HECW1: variants seen among roughly 807,000 people sequenced by gnomAD.
The protein encoded by HECW1 is E3 ubiquitin-protein ligase HECW1.
HECW1 carries 61 observed loss-of-function variants against 182.3 expected under a neutral mutation model. The ratio of observed to expected loss-of-function variants is 0.33; its 90% CI spans 0.27 to 0.41. The LOEUF (loss-of-function observed/expected upper bound fraction) is 0.41. HECW1 is among the 10% of genes least tolerant of loss of function. The probability of loss-of-function intolerance (pLI) is 1.00; values close to 1 mark genes in which losing one functional copy is unlikely to be tolerated. For synonymous variants in HECW1, 859 were observed against 832.6 expected, an observed-to-expected ratio of 1.03 and a Z score of -0.55; for missense variants, 1,739 against 2,108.9, an observed-to-expected ratio of 0.82 and a Z score of 3.44.
intron 6 of HECW1, among the ~76,000 whole-genome samples, chr7:43,367,901 C>A (rs1816843613): frequency 6.6e-6 from 1 of 152,176 alleles, no homozygotes; most frequent in Admixed American, 6.5e-5. Flanking sequence ...ATGCTCAAAG[C>A]CTCTTGCCTC....
chr7:43,428,894 A>G (rs1170520116), intron 8 of HECW1, among the ~76,000 whole-genome samples: 2 of 152,142 alleles, frequency 1.3e-5, no homozygotes, highest in African/African-American at 2.4e-5. Flanking sequence ...TGGGAGATAT[A>G]CATATGGATA....
intron 12 of HECW1, among the ~76,000 whole-genome samples, chr7:43,453,632 G>A (rs981563990): frequency 3.3e-5 from 5 of 152,196 alleles, no homozygotes; most frequent in African/African-American, 1.2e-4. Flanking sequence ...ATAGGTTTTT[G>A]TTAATATAAT....
At chr7:43,538,048 G>A (rs1043941695) in intron 24 of HECW1, among the ~76,000 whole-genome samples, 1 of 152,192 alleles carries the variant, frequency 6.6e-6, no homozygotes, top group African/African-American at 2.4e-5. Flanking sequence ...CAAAGTACTC[G>A]AGACTCAGAT....
chr7:43,184,713 G>T (rs1193729317), intron 2 of HECW1, among the ~76,000 whole-genome samples: 3 of 152,160 alleles, frequency 2.0e-5, no homozygotes, highest in African/African-American at 7.2e-5. Context: ...TTCTCACATT[G>T]CTGTAAAGAA....
chr7:43,275,759 C>T (rs1469269828), intron 3 of HECW1, among the ~76,000 whole-genome samples: 3 of 149,574 alleles, frequency 2.0e-5, no homozygotes, highest in African/African-American at 7.4e-5. Flanking sequence ...CCACTCACTC[C>T]CTGCAACAAT....
At chr7:43,344,515 CT>C (rs1231727764) in intron 5 of HECW1, among the ~76,000 whole-genome samples, 117 of 145,276 alleles carry the variant, frequency 8.1e-4, no homozygotes, top group African/African-American at 9.3e-4. Context: ...TTGTTTTTGT[CT>C]TTTTTTTTTT....
At chr7:43,408,422 C>G (rs1013225300) in intron 8 of HECW1, among the ~76,000 whole-genome samples, 1 of 152,074 alleles carries the variant, frequency 6.6e-6, no homozygotes, top group East Asian at 1.9e-4. Context: ...ACTTATTTGG[C>G]CAGGCAAGGT....
At chr7:43,557,148 G>T (rs900766752) in intron 29 of HECW1, among the ~76,000 whole-genome samples, 1 of 152,192 alleles carries the variant, frequency 6.6e-6, no homozygotes, top group Non-Finnish European at 1.5e-5. Flanking sequence ...AGAAACTGTC[G>T]TTCGGGAAGA....
intron 3 of HECW1, among the ~76,000 whole-genome samples, chr7:43,251,210 C>T (rs986649274): frequency 6.6e-6 from 1 of 152,214 alleles, no homozygotes; most frequent in Non-Finnish European, 1.5e-5. Flanking sequence ...AGCTGTCTGT[C>T]GAAGAATGAG....
intron 17 of HECW1, among the ~76,000 whole-genome samples, chr7:43,490,120 G>A (rs1198217245): frequency 3.3e-5 from 5 of 152,148 alleles, no homozygotes; most frequent in African/African-American, 1.2e-4. Context: ...ACCTCACTTG[G>A]GACATGAATT....
At chr7:43,291,266 G>T (rs998323705) in intron 3 of HECW1, among the ~76,000 whole-genome samples, 30 of 152,322 alleles carry the variant, frequency 2.0e-4, no homozygotes, top group Admixed American at 1.7e-3. Context: ...TATCCTTTAC[G>T]CATTTGGATC....
chr7:43,264,755 A>G (rs1346112033), intron 3 of HECW1, among the ~76,000 whole-genome samples: 1 of 151,558 alleles, frequency 6.6e-6, no homozygotes, highest in Non-Finnish European at 1.5e-5. Flanking sequence ...GAGGCAGGAG[A>G]ATGGCGTGAA....
rs1554475197 is a variant in HECW1, at chr7:43,565,582, T to TTTATTTTTA, written c.*3661_*3662insTTTATTATT. 2.5e-5 allele frequency: 4 copies of TTTATTTTTA among 161,090 alleles called. No individual in the cohort carries two copies. Among genetic ancestry groups the TTTATTTTTA allele is most frequent in the African/African-American group, 9.9e-5 (4 of 40,302 alleles). The allele number at this position is 161,090 out of a possible 1,614,324, so 10.0% of individuals were successfully genotyped here. ...CTTTATTATTATTATTATTATTATT[T>TTTATTTTTA]TTATTATTATTATTATTACGTACTT... On this transcript the variant is annotated 3_prime_UTR_variant, in exon 30 of 30. Coordinates refer to ENST00000395891, the MANE Select transcript of HECW1 (RefSeq NM_015052.5).
At chr7:43,137,295 T>A (rs1045239673) in intron 2 of HECW1, among the ~76,000 whole-genome samples, 1 of 152,154 alleles carries the variant, frequency 6.6e-6, no homozygotes, top group African/African-American at 2.4e-5. Flanking sequence ...TACCCTTAGC[T>A]GAGGAGCTGC....
chr7:43,207,888 C>A (rs1409245926), intron 2 of HECW1: 1 of 152,226 alleles, frequency 6.6e-6, no homozygotes, highest in Non-Finnish European at 1.5e-5. Context: ...TTGAGATAAT[C>A]TTTCTTCTCT....
chr7:43,412,278 A>G (rs2075826410), intron 8 of HECW1, among the ~76,000 whole-genome samples: 1 of 152,086 alleles, frequency 6.6e-6, no homozygotes. Flanking sequence ...GTTATTATAT[A>G]TATCACATTG....
At chr7:43,408,463 G>A (rs561862815) in intron 8 of HECW1, among the ~76,000 whole-genome samples, 10 of 151,274 alleles carry the variant, frequency 6.6e-5, no homozygotes, top group Admixed American at 2.0e-4. Context: ...CAGGTGAATC[G>A]CTTGACTCCA....
At chr7:43,164,413 T>A (rs756845915) in intron 2 of HECW1, among the ~76,000 whole-genome samples, 5 of 152,346 alleles carry the variant, frequency 3.3e-5, no homozygotes, top group South Asian at 4.1e-4. Flanking sequence ...CAGTGGGGCC[T>A]CCTGGGGGAA....
In HECW1 at chr7:43,444,583, C is replaced by G; in HGVS notation, c.1411C>G (p.Leu471Val). The G allele has an allele frequency of 6.2e-7, 1 of 1,611,040 alleles. No individual in the cohort carries two copies. Among genetic ancestry groups the G allele is most frequent in the Non-Finnish European group, 8.5e-7 (1 of 1,178,866 alleles). The part of the protein sequence containing the change: ...QLDLGEEASA[L>V]LLEDGEAPAS... ...GGACCTGGGTGAGGAGGCATCAGCA[C>G]TGCTGCTGGAAGACGGTGAAGCCCC... Residue 471 changes from leucine to valine, a missense_variant, in exon 11 of 30, where the codon CTG becomes GTG. Transcript: ENST00000395891. This position sits in a 1 kb window ranked among gnomAD's most constrained non-coding sequence, Gnocchi z 4.3.
Sources: gnomAD v4.1 joint callset for allele counts (sites outside exome capture counted in the v4.1 genomes callset) on GRCh38, gnomAD v4.1.1 for gene constraint, Gnocchi (gnomAD v3.1) non-coding constraint, MANE v1.5 for transcripts, NCBI Gene and HGNC (gene_info 2026-07-23, HGNC 2026-07-21) for gene names.